The following SV2B variants were observed in gnomAD, a reference collection of about 807,000 sequenced individuals.
SV2B encodes the protein synaptic vesicle glycoprotein 2B, also known as solute carrier family 22 member B2.
SV2B carries 41 observed loss-of-function variants against 73.9 expected under a neutral mutation model. That is an observed-to-expected ratio of 0.56 (90% CI 0.43 to 0.72). The LOEUF is 0.72. SV2B is among the 30% of genes least tolerant of loss of function. The probability of loss-of-function intolerance (pLI) is 0.00; values close to 1 mark genes in which losing one functional copy is unlikely to be tolerated. For missense variants in SV2B, 764 were observed against 857.8 expected (o/e 0.89, Z 1.37); for synonymous variants, 314 against 314.2 (o/e 1.00, Z 0.01).
chr15:91,141,740 G>GT lies in SV2B; in HGVS notation c.-392+41381dup, dbSNP rs1184053812. On this transcript the variant is annotated intron_variant, in intron 1 of 12. Coordinates refer to ENST00000394232, the MANE Select transcript of SV2B (RefSeq NM_001323032.3). The surrounding 1 kb of genome is among the most constrained non-coding windows in gnomAD (Gnocchi z 4.6). Reference sequence around the variant, plus strand: ...AGAGTTGCCAAATAGTTTGGGTTTTGTTTTGTTTTTTTTTTTGGACAGAGG... The same window carrying GT: ...AGAGTTGCCAAATAGTTTGGGTTTTGTTTTTGTTTTTTTTTTTGGACAGAGG... Among the ~76,000 whole-genome samples, 66 of 127,360 alleles carry GT rather than the reference G, an allele frequency of 5.2e-4. No individual in the cohort carries two copies. Among genetic ancestry groups the GT allele is most frequent in the Admixed American group, 2.5e-3 (32 of 12,610 alleles). The allele number at this position is 127,360 out of a possible 152,430, so 83.6% of individuals were successfully genotyped here. A position where few individuals can be genotyped will look rare whatever the true frequency, so the allele number is the denominator to read the frequency against.
At position 91,289,816 on chromosome 15, in the gene SV2B, T is replaced by C; in HGVS notation, c.1868+136T>C. The stretch of plus-strand genomic sequence containing the variant: ...TTCCGTGAAACAAACATCTTTTATG[T>C]TGAGCTTCTCCTGCATGGTGGATGG... On this transcript the variant is annotated intron_variant, in intron 12 of 12. Transcript: ENST00000394232. This position sits in a 1 kb window ranked among gnomAD's most constrained non-coding sequence, Gnocchi z 4.9. The C allele has an allele frequency of 9.6e-7, 1 of 1,045,636 alleles. No individual in the cohort carries two copies. The highest frequency in any genetic ancestry group is 2.6e-5 in the East Asian group (1 of 38,136). The allele number at this position is 1,045,636 out of a possible 1,614,324, so 64.8% of individuals were successfully genotyped here.
rs930825425 is a variant in SV2B at position 91,122,801 on chromosome 15, A to G, written c.-392+22438A>G. ...ATCTCACTGATAAACGGAATCTAAA[A>G]AAGTTGAGCTCATCGAAGTAGAGAG... On this transcript the variant is annotated intron_variant, in intron 1 of 12. Transcript: ENST00000394232. This position sits in a 1 kb window ranked among gnomAD's most constrained non-coding sequence, Gnocchi z 4.3. Among the ~76,000 whole-genome samples the G allele has an allele frequency of 1.3e-5, 2 of 152,208 alleles. No individual in the cohort carries two copies. Among genetic ancestry groups the G allele is most frequent in the Admixed American group, 6.5e-5 (1 of 15,282 alleles).
At position 91,289,627 on chromosome 15, in the gene SV2B, A is replaced by G. The variant is rs1567439082; in HGVS notation, c.1815A>G (p.Ala605=). 6.2e-6 allele frequency: 10 copies of G among 1,614,176 alleles called. No homozygotes were observed. Among genetic ancestry groups the G allele is most frequent in the Non-Finnish European group, 7.6e-6 (9 of 1,180,036 alleles). Residue 605 remains alanine, a synonymous_variant, in exon 12 of 13, where the codon GCA becomes GCG. Coordinates refer to ENST00000394232, the MANE Select transcript of SV2B (RefSeq NM_001323032.3). This position sits in a 1 kb window ranked among gnomAD's most constrained non-coding sequence, Gnocchi z 4.9. The part of the protein sequence containing the change: ...WQCLFCGTSI[A]AWNALDVITV... ...GCCTGTTCTGTGGGACAAGCATTGC[A>G]GCCTGGAATGCTCTGGATGTGATCA...
At chr15:91,101,344 G>A (rs2041718982) in intron 1 of SV2B, among the ~76,000 whole-genome samples, 1 of 152,120 alleles carries the variant, frequency 6.6e-6, no homozygotes, top group African/African-American at 2.4e-5. Flanking sequence ...GCCCTTTCCA[G>A]AAGAGGTGAC....
intron 11 of SV2B, among the ~76,000 whole-genome samples, chr15:91,286,207 A>G (rs1008184894): frequency 6.6e-6 from 1 of 152,174 alleles, no homozygotes; most frequent in African/African-American, 2.4e-5. Context: ...TGGCAAGTGC[A>G]TGGTAAAGAC....
chr15:91,206,429 G>T (rs1270187647), intron 1 of SV2B, among the ~76,000 whole-genome samples: 3 of 152,152 alleles, frequency 2.0e-5, no homozygotes, highest in Non-Finnish European at 4.4e-5. Context: ...TCATACATGG[G>T]TGATGTGCTC....
Position 91,122,720 on chromosome 15 carries a change from T to C in SV2B, c.-392+22357T>C, listed in dbSNP as rs1184331371. Among the ~76,000 whole-genome samples the C allele has an allele frequency of 3.9e-5, 6 of 152,340 alleles. No individual in the cohort carries two copies. In the East Asian group the frequency reaches 9.6e-4, roughly 24 times the overall value. ...ATCTATTGAAATAAGAGCTTCATCC[T>C]GGAGGATATTACATTAAATGAAATA... On this transcript the variant is annotated intron_variant, in intron 1 of 12. Transcript: ENST00000394232. This position sits in a 1 kb window ranked among gnomAD's most constrained non-coding sequence, Gnocchi z 4.3.
intron 1 of SV2B, among the ~76,000 whole-genome samples, chr15:91,135,498 GATC>G (rs1204769165): frequency 6.6e-6 from 1 of 152,182 alleles, no homozygotes; most frequent in Non-Finnish European, 1.5e-5. Context: ...CATTATCTCT[GATC>G]ATCACAGCAA....
rs181954057 is a variant in SV2B at position 91,232,869 on chromosome 15, C to T, written c.451+6155C>T. 1.3e-5 allele frequency among the ~76,000 whole-genome samples: 2 copies of T among 152,252 alleles called. No homozygotes were observed. The highest frequency in any genetic ancestry group is 6.5e-5 in the Admixed American group (1 of 15,294). ...TAACTGTTTTTCAGTCCTTTCGCCT[C>T]TCCAGTAGTCCCCAGTGTCTATTAT... On this transcript the variant is annotated intron_variant, in intron 2 of 12. Coordinates refer to ENST00000394232, the MANE Select transcript of SV2B (RefSeq NM_001323032.3). This position sits in a 1 kb window ranked among gnomAD's most constrained non-coding sequence, Gnocchi z 4.7.
rs1046820248 is a variant in SV2B at position 91,130,389 on chromosome 15, G to A, written c.-392+30026G>A. Among the ~76,000 whole-genome samples, 5 of 152,206 alleles carry A rather than the reference G, an allele frequency of 3.3e-5. No individual in the cohort carries two copies. The highest frequency in any genetic ancestry group is 5.9e-5 in the Non-Finnish European group (4 of 68,034). The stretch of plus-strand genomic sequence containing the variant: ...TGCTTGGCTAGGGCTGAAGCATCAT[G>A]TGGCAGAAGTGGCTGAAATCATCCA... On this transcript the variant is annotated intron_variant, in intron 1 of 12. Coordinates refer to ENST00000394232, the MANE Select transcript of SV2B (RefSeq NM_001323032.3). This position sits in a 1 kb window ranked among gnomAD's most constrained non-coding sequence, Gnocchi z 5.6.
In SV2B at chr15:91,239,340, C is replaced by G. The variant is rs2046914231; in HGVS notation, c.452-12479C>G. 6.6e-6 allele frequency among the ~76,000 whole-genome samples: 1 copy of G among 151,996 alleles called. No homozygotes were observed. The highest frequency in any genetic ancestry group is 6.6e-5 in the Admixed American group (1 of 15,252). ...CCTTGCCTTGTCCTCTCTGCCTCAC[C>G]TCTCGGTGGGTCCTAGAAAAGGAAG... On this transcript the variant is annotated intron_variant, in intron 2 of 12. Transcript: ENST00000394232. The surrounding 1 kb of genome is among the most constrained non-coding windows in gnomAD (Gnocchi z 5.1).
chr15:91,127,273 T>A (rs1353898476), intron 1 of SV2B, among the ~76,000 whole-genome samples: 2 of 152,174 alleles, frequency 1.3e-5, no homozygotes, highest in Non-Finnish European at 2.9e-5. Context: ...AAGAGAAGGG[T>A]GTGGACAAGA....
chr15:91,240,777 A>G lies in SV2B; in HGVS notation c.452-11042A>G, dbSNP rs1005142. On this transcript the variant is annotated intron_variant, in intron 2 of 12. Coordinates refer to ENST00000394232, the MANE Select transcript of SV2B (RefSeq NM_001323032.3). This position sits in a 1 kb window ranked among gnomAD's most constrained non-coding sequence, Gnocchi z 4.6. The stretch of plus-strand genomic sequence containing the variant: ...CCATCCACATTTGCATTCCCGTATG[A>G]CACTGTACATGCCTCCGTTCCCCTA... 0.18 allele frequency among the ~76,000 whole-genome samples: 27,445 copies of G among 152,010 alleles called. 5,642 individuals are homozygous for G. The highest frequency in any genetic ancestry group is 0.51 in the African/African-American group (21,087 of 41,402).
intron 1 of SV2B, among the ~76,000 whole-genome samples, chr15:91,151,798 A>C (rs1211851375): frequency 5.9e-5 from 9 of 152,144 alleles, no homozygotes; most frequent in Non-Finnish European, 1.0e-4. Context: ...TGTCAAAGTG[A>C]CTTAGGTCTT....
At chr15:91,201,686 C>T (rs2045465399) in intron 1 of SV2B, among the ~76,000 whole-genome samples, 1 of 152,234 alleles carries the variant, frequency 6.6e-6, no homozygotes, top group Non-Finnish European at 1.5e-5. Flanking sequence ...GGCCCCAAAT[C>T]TGGGAGTCAC....
chr15:91,169,191 G>A (rs185139272), intron 1 of SV2B, among the ~76,000 whole-genome samples: 5 of 152,114 alleles, frequency 3.3e-5, no homozygotes, highest in South Asian at 2.1e-4. Flanking sequence ...TGGTTACTAC[G>A]CTCCAGGGAC....
intron 2 of SV2B, among the ~76,000 whole-genome samples, chr15:91,246,743 TCC>T (rs2047246641): frequency 1.3e-5 from 2 of 151,570 alleles, no homozygotes; most frequent in Admixed American, 1.3e-4. Flanking sequence ...CTCCTCCTCC[TCC>T]TCCTTCTTCT....
chr15:91,238,134 T>A (rs1175990156), intron 2 of SV2B, among the ~76,000 whole-genome samples: 1 of 152,246 alleles, frequency 6.6e-6, no homozygotes. Flanking sequence ...AAGAAACTGA[T>A]ACGAATAAAT....
chr15:91,262,084 A>T (rs1004775403), intron 6 of SV2B, among the ~76,000 whole-genome samples: 1 of 152,206 alleles, frequency 6.6e-6, no homozygotes, highest in African/African-American at 2.4e-5. Flanking sequence ...TTCAGGCAGG[A>T]TCACACGGTG....
Sources: allele counts gnomAD v4.1 joint callset (sites outside exome capture counted in the v4.1 genomes callset), GRCh38; gene constraint gnomAD v4.1.1; non-coding constraint Gnocchi (gnomAD v3.1); transcripts MANE v1.5; gene names NCBI Gene and HGNC (gene_info 2026-07-23, HGNC 2026-07-21).